COL15A1: variants seen among roughly 807,000 people sequenced by gnomAD.
The protein encoded by COL15A1 is collagen type XV alpha 1 chain.
In COL15A1, 111 loss-of-function variants were observed where a neutral mutation model predicts 165.9. The ratio of observed to expected loss-of-function variants is 0.67; its 90% CI spans 0.57 to 0.78. COL15A1 has a LOEUF of 0.78. COL15A1 is among the 30% of genes least tolerant of loss of function. The pLI, the probability that COL15A1 is intolerant of heterozygous loss-of-function variation, is 0.00. For missense variants in COL15A1, 1,745 were observed against 1,789.7 expected, an observed-to-expected ratio of 0.98 and a Z score of 0.45; for synonymous variants, 659 against 674.8, an observed-to-expected ratio of 0.98 and a Z score of 0.36.
At chr9:99,024,753 T>G in intron 14 of COL15A1, 121 bp from the exon 15 acceptor site, 1 of 1,173,272 alleles carries the variant, frequency 8.5e-7, no homozygotes, top group South Asian at 1.5e-5. Context: ...ATCTGCTAAG[T>G]GGGATCACCA....
intron 2 of COL15A1, among the ~76,000 whole-genome samples, chr9:98,978,441 G>C (rs945160261): frequency 6.6e-6 from 1 of 152,190 alleles, no homozygotes; most frequent in Non-Finnish European, 1.5e-5. Context: ...AGCAGAAAGA[G>C]GCTTCCCCCT....
At chr9:99,023,150 GA>G (rs2119012005) in intron 13 of COL15A1, among the ~76,000 whole-genome samples, 1 of 152,306 alleles carries the variant, frequency 6.6e-6, no homozygotes, top group African/African-American at 2.4e-5. Context: ...CCGAGGACAT[GA>G]GTGGGCTGCA....
chr9:99,067,181 C>T (rs1825910043), intron 40 of COL15A1, 114 bp downstream of exon 40: 1 of 881,004 alleles, frequency 1.1e-6, no homozygotes, highest in Admixed American at 2.7e-5. Context: ...CCTGCTCTCT[C>T]CCTTACTGGC....
chr9:98,972,473 T>C (rs989930231), intron 2 of COL15A1, among the ~76,000 whole-genome samples: 8 of 152,200 alleles, frequency 5.3e-5, no homozygotes, highest in Non-Finnish European at 1.2e-4. Context: ...ATTAACCTCA[T>C]GGATTTGGAA....
chr9:98,944,325 G>A, intron 2 of COL15A1, 75 bp downstream of exon 2: 1 of 1,375,582 alleles, frequency 7.3e-7, no homozygotes, highest in Non-Finnish European at 1.0e-6. Flanking sequence ...CGGCGGACGC[G>A]GCTGCGATGC....
At position 99,054,342 on chromosome 9, in the gene COL15A1, G is replaced by A. The variant is rs550259122; in HGVS notation, c.2951-234G>A. ...GAGCACATATTTCATCTTGCCTTGC[G>A]TTACTGTGAGCTCTGTCTGTCTCCC... On this transcript the variant is annotated intron_variant, in intron 31 of 41. Coordinates refer to ENST00000375001, the MANE Select transcript of COL15A1 (RefSeq NM_001855.5). 3.3e-5 allele frequency among the ~76,000 whole-genome samples: 5 copies of A among 152,278 alleles called. No individual in the cohort carries two copies. In the South Asian group the frequency reaches 6.2e-4, roughly 19 times the overall value.
chr9:99,052,565 G>C, intron 31 of COL15A1, 132 bp downstream of exon 31: 1 of 763,844 alleles, frequency 1.3e-6, no homozygotes. Flanking sequence ...GGTGGGGATG[G>C]CAGCTGAGCC....
At position 99,031,629 on chromosome 9, in the gene COL15A1, A is replaced by G. The variant is rs528789327; in HGVS notation, c.2044-2920A>G. Among the ~76,000 whole-genome samples, 3 of 152,262 alleles carry G rather than the reference A, an allele frequency of 2.0e-5. No individual in the cohort carries two copies. In the South Asian group the frequency reaches 6.2e-4, roughly 32 times the overall value. ...AGGCTCATACTCAACTAGAGTCCCA[A>G]AGTTTCAGAGCTGGAAGGAACCTGC... On this transcript the variant is annotated intron_variant, in intron 16 of 41. Coordinates refer to ENST00000375001, the MANE Select transcript of COL15A1 (RefSeq NM_001855.5).
At chr9:98,977,137 A>G (rs1360590206) in intron 2 of COL15A1, among the ~76,000 whole-genome samples, 2 of 152,150 alleles carry the variant, frequency 1.3e-5, no homozygotes, top group African/African-American at 4.8e-5. Context: ...CATTTTAGGT[A>G]TATTATTTTA....
chr9:98,989,026 AC>A, intron 4 of COL15A1, 151 bp from the exon 5 acceptor site: 2 of 338,052 alleles, frequency 5.9e-6, no homozygotes, highest in Non-Finnish European at 1.1e-5. Flanking sequence ...TCTCATAGAC[AC>A]ACACACACAC....
intron 5 of COL15A1, among the ~76,000 whole-genome samples, chr9:98,990,642 A>C (rs1394961280): frequency 6.6e-6 from 1 of 152,234 alleles, no homozygotes; most frequent in African/African-American, 2.4e-5. Context: ...GGGACAGGAA[A>C]GGAGAGTGGA....
At chr9:99,033,535 C>T (rs1366709772) in intron 16 of COL15A1, among the ~76,000 whole-genome samples, 1 of 152,236 alleles carries the variant, frequency 6.6e-6, no homozygotes, top group East Asian at 1.9e-4. Context: ...TGTGGTTTCT[C>T]TTGATGGCTG....
Position 98,989,175 on chromosome 9 carries a change from C to G in COL15A1, c.724-3C>G. The G allele has an allele frequency of 6.2e-7, 1 of 1,613,356 alleles. No homozygotes were observed. Among genetic ancestry groups the G allele is most frequent in the Non-Finnish European group, 8.5e-7 (1 of 1,179,268 alleles). Reference sequence around the variant, plus strand: ...GTGTGTGGCACAGTTTGTCTCCACACAGGCATCTGGAGAGACCAGTGGGCT... The same window carrying G: ...GTGTGTGGCACAGTTTGTCTCCACAGAGGCATCTGGAGAGACCAGTGGGCT... On this transcript the variant is annotated splice_region_variant and splice_polypyrimidine_tract_variant and intron_variant, in intron 4 of 41. Coordinates refer to ENST00000375001, the MANE Select transcript of COL15A1 (RefSeq NM_001855.5).
chr9:99,046,383 T>C (rs977265488), intron 26 of COL15A1, among the ~76,000 whole-genome samples: 4 of 152,330 alleles, frequency 2.6e-5, no homozygotes, highest in Admixed American at 2.0e-4. Flanking sequence ...ACCCAAGACA[T>C]ACTGGATCTG....
chr9:99,037,993 A>T (rs1207549151), intron 21 of COL15A1, among the ~76,000 whole-genome samples: 1 of 152,170 alleles, frequency 6.6e-6, no homozygotes, highest in Non-Finnish European at 1.5e-5. Context: ...GCATGCATTT[A>T]ATATTAAGAC....
intron 9 of COL15A1, among the ~76,000 whole-genome samples, chr9:99,009,253 A>G (rs1276598038): frequency 6.6e-6 from 1 of 152,276 alleles, no homozygotes; most frequent in Non-Finnish European, 1.5e-5. Context: ...AGTTAAAGAC[A>G]CAATTGACAA....
chr9:98,954,892 A>G (rs1345623077), intron 2 of COL15A1, among the ~76,000 whole-genome samples: 1 of 152,134 alleles, frequency 6.6e-6, no homozygotes, highest in Non-Finnish European at 1.5e-5. Flanking sequence ...CCTTACTCAA[A>G]AGAGCTGAGG....
At chr9:98,964,876 C>A (rs1001406185) in intron 2 of COL15A1, among the ~76,000 whole-genome samples, 8 of 152,186 alleles carry the variant, frequency 5.3e-5, no homozygotes, top group South Asian at 2.1e-4. Flanking sequence ...TTCATCAGCG[C>A]CTTGGCCAAT....
chr9:99,036,292 A>G (rs1839300884), intron 20 of COL15A1, 21 bp from the exon 21 acceptor site: 7 of 1,613,874 alleles, frequency 4.3e-6, no homozygotes, highest in South Asian at 1.1e-5. Flanking sequence ...TTTTTTTCTC[A>G]CTTCTTGCTG....
Sources: allele counts gnomAD v4.1 joint callset (sites outside exome capture counted in the v4.1 genomes callset), GRCh38; gene constraint gnomAD v4.1.1; transcripts MANE v1.5; gene names NCBI Gene and HGNC (gene_info 2026-07-23, HGNC 2026-07-21).